Variants in GPC1 observed in about 807,000 individuals in gnomAD.
GPC1 encodes glypican 1, also known as glypican-1.
Under a neutral mutation model 51.5 loss-of-function variants are expected in GPC1, and 26 were observed. The ratio of observed to expected loss-of-function variants is 0.50; its 90% CI spans 0.37 to 0.70. The LOEUF is 0.70. GPC1 is among the 30% of genes least tolerant of loss of function. GPC1 has a pLI of 0.00. For synonymous variants in GPC1, 380 were observed against 348.3 expected, an observed-to-expected ratio of 1.09 and a Z score of -1.01; for missense variants, 775 against 800.5, an observed-to-expected ratio of 0.97 and a Z score of 0.38.
chr2:240,447,472 C>T (rs1166092063), intron 1 of GPC1, among the ~76,000 whole-genome samples: 1 of 152,214 alleles, frequency 6.6e-6, no homozygotes, highest in African/African-American at 2.4e-5. Flanking sequence ...CGTAGGTGTG[C>T]ACACACTGCC....
chr2:240,465,407 T>G (rs1242901544), intron 7 of GPC1, 66 bp from the exon 8 acceptor site: 1 of 1,500,838 alleles, frequency 6.7e-7, no homozygotes, highest in East Asian at 2.3e-5. Context: ...GAGAGTGTCC[T>G]GCTCAGGTGA....
In GPC1 at chr2:240,462,516, C is replaced by T. The variant is rs760566279; in HGVS notation, c.651C>T (p.Phe217=). The T allele has an allele frequency of 6.9e-6, 11 of 1,584,062 alleles. No homozygotes were observed. Among genetic ancestry groups the T allele is most frequent in the Middle Eastern group, 1.7e-4 (1 of 5,820 alleles). The part of the protein sequence containing the change: ...RELRLRATRA[F]VAARSFVQGL... ...TGCGCCTGCGGGCCACCCGTGCCTTCGTGGCTGCTCGCTCCTTTGTGCAGG... is the reference window on the plus strand; with the variant it reads ...TGCGCCTGCGGGCCACCCGTGCCTTTGTGGCTGCTCGCTCCTTTGTGCAGG... Residue 217 remains phenylalanine, a synonymous_variant, in exon 3 of 9, where the codon TTC becomes TTT. Transcript: ENST00000264039.
intron 1 of GPC1, chr2:240,456,556 C>G: frequency 2.1e-6 from 1 of 466,818 alleles, no homozygotes; most frequent in Non-Finnish European, 4.5e-6. Context: ...CTGCCACCCC[C>G]TCCCCCAGGC....
chr2:240,463,807 T>A (rs1035703848), intron 4 of GPC1: 17 of 469,270 alleles, frequency 3.6e-5, no homozygotes, highest in African/African-American at 3.1e-4. Flanking sequence ...CCAACACGTG[T>A]GACTCATCGA....
At position 240,435,845 on chromosome 2, in the gene GPC1, C is replaced by G. The variant is rs984880783; in HGVS notation, c.-74C>G. On this transcript the variant is annotated 5_prime_UTR_variant, in exon 1 of 9. Coordinates refer to ENST00000264039, the MANE Select transcript of GPC1 (RefSeq NM_002081.3). ...GGACCTTGGCTCTGCCCTTCGCGGG[C>G]GGGAACTGCGCAGGACCCGGCCAGG... The G allele has an allele frequency of 9.2e-6, 9 of 977,718 alleles. No individual in the cohort carries two copies. The African/African-American group carries it at 1.4e-4, about 15-fold the overall frequency. 60.6% of individuals were successfully genotyped at this position (977,718 alleles called of 1,614,324 possible). A position where few individuals can be genotyped will look rare whatever the true frequency, so the allele number is the denominator to read the frequency against.
At position 240,448,636 on chromosome 2, in the gene GPC1, T is replaced by C. The variant is rs1010146521; in HGVS notation, c.167-10394T>C. The stretch of plus-strand genomic sequence containing the variant: ...AGGAGGTCGAGGTCGGAGCTCACCT[T>C]TGGGGAGGCGATCAGGCAGGCACAT... On this transcript the variant is annotated intron_variant, in intron 1 of 8. Coordinates refer to ENST00000264039, the MANE Select transcript of GPC1 (RefSeq NM_002081.3). This position sits in a 1 kb window ranked among gnomAD's most constrained non-coding sequence, Gnocchi z 4.5. Among the ~76,000 whole-genome samples the C allele has an allele frequency of 4.6e-5, 7 of 151,572 alleles. No individual in the cohort carries two copies. The highest frequency in any genetic ancestry group is 1.7e-4 in the African/African-American group (7 of 41,174).
chr2:240,457,725 C>CCGG (rs2074180720), intron 1 of GPC1, among the ~76,000 whole-genome samples: 2 of 152,170 alleles, frequency 1.3e-5, no homozygotes, highest in Admixed American at 6.5e-5. Flanking sequence ...GGTCCCGGTC[C>CCGG]TGGCTCCCTC....
intron 1 of GPC1, chr2:240,450,843 G>A: frequency 2.2e-6 from 1 of 460,062 alleles, no homozygotes; most frequent in Non-Finnish European, 4.5e-6. Flanking sequence ...GAGCAAGAAA[G>A]TGGAGGCTCC....
rs1315581833 is a variant in GPC1 at position 240,466,261 on chromosome 2, C to T, written c.1648C>T (p.Leu550Phe). 5 of 1,606,832 alleles carry T rather than the reference C, an allele frequency of 3.1e-6. No individual in the cohort carries two copies. Among genetic ancestry groups the T allele is most frequent in the African/African-American group, 1.3e-5 (1 of 74,798 alleles). ...CCTGCCCCTCCTCCTCTTCCTGGCC[C>T]TTACAGTAGCCAGGCCCCGGTGGCG... ...FLLPLLLFLA[L>F]TVARPRWR is the part of the protein sequence containing the mutation. Residue 550 changes from leucine (L) to phenylalanine (F), a missense_variant, in exon 9 of 9, where the codon CTT (leucine) becomes TTT (phenylalanine). By Grantham distance (22) the Leu-to-Phe change is conservative. Transcript: ENST00000264039.
At position 240,435,745 on chromosome 2, in the gene GPC1, C is replaced by T. The variant is rs1052121390; in HGVS notation, c.-174C>T. The T allele has an allele frequency of 6.3e-5, 20 of 315,788 alleles. No homozygotes were observed. Among genetic ancestry groups the T allele is most frequent in the Non-Finnish European group, 1.0e-4 (19 of 184,062 alleles). The allele number at this position is 315,788 out of a possible 1,614,324, so 19.6% of individuals were successfully genotyped here. A position where few individuals can be genotyped will look rare whatever the true frequency, so the allele number is the denominator to read the frequency against. On this transcript the variant is annotated 5_prime_UTR_variant, in exon 1 of 9. Transcript: ENST00000264039. Reference sequence around the variant, plus strand: ...ACCTCGCACCCCGCGCGCCCCGCGCCGCCGCCGCCGCCGGCTTTTGTTGTC... The same window carrying T: ...ACCTCGCACCCCGCGCGCCCCGCGCTGCCGCCGCCGCCGGCTTTTGTTGTC...
chr2:240,438,110 G>A (rs1195725126), intron 1 of GPC1, among the ~76,000 whole-genome samples: 2 of 152,324 alleles, frequency 1.3e-5, no homozygotes, highest in East Asian at 1.9e-4. Context: ...CCCTGCAGCT[G>A]TCTAACCACG....
At chr2:240,452,445 G>C (rs937974528) in intron 1 of GPC1, 2 of 152,406 alleles carry the variant, frequency 1.3e-5, no homozygotes, top group Non-Finnish European at 2.9e-5. Context: ...GCCACCTTCA[G>C]CACAGAGAGA....
At chr2:240,441,803 G>C (rs2074019156) in intron 1 of GPC1, among the ~76,000 whole-genome samples, 1 of 152,208 alleles carries the variant, frequency 6.6e-6, no homozygotes, top group Non-Finnish European at 1.5e-5. Flanking sequence ...GAAGCGGGCG[G>C]TTCTCCCTCC....
At position 240,435,968 on chromosome 2, in the gene GPC1, T is replaced by G; in HGVS notation, c.50T>G (p.Leu17Arg). The G allele has an allele frequency of 7.4e-7, 1 of 1,342,702 alleles. No homozygotes were observed. The allele number at this position is 1,342,702 out of a possible 1,614,324, so 83.2% of individuals were successfully genotyped here. Residue 17 changes from leucine to arginine, a missense_variant, in exon 1 of 9, where the codon CTG (leucine) becomes CGG (arginine). Coordinates refer to ENST00000264039, the MANE Select transcript of GPC1 (RefSeq NM_002081.3). ...GWWLLCAAAA[L>R]VACARGDPAS... ...TGGCTGCTATGTGCGGCCGCAGCGC[T>G]GGTCGCCTGCGCCCGCGGGGACCCG...
At chr2:240,444,070 C>T (rs776550857) in intron 1 of GPC1, among the ~76,000 whole-genome samples, 6 of 152,218 alleles carry the variant, frequency 3.9e-5, no homozygotes, top group Non-Finnish European at 5.9e-5. Flanking sequence ...GCACCGGGAG[C>T]GCACAGGAGG....
At chr2:240,458,743 C>T (rs1484693736) in intron 1 of GPC1, 1 of 400,540 alleles carries the variant, frequency 2.5e-6, no homozygotes, top group Non-Finnish European at 4.5e-6. Flanking sequence ...CTTGCAGCTG[C>T]TGGGACAGCA....
chr2:240,435,850 A>T lies in GPC1; in HGVS notation c.-69A>T. The T allele has an allele frequency of 1.0e-6, 1 of 954,340 alleles. No individual in the cohort carries two copies. The highest frequency in any genetic ancestry group is 5.1e-5 in the South Asian group (1 of 19,738). 59.1% of individuals were successfully genotyped at this position (954,340 alleles called of 1,614,324 possible). On this transcript the variant is annotated 5_prime_UTR_variant, in exon 1 of 9. Coordinates refer to ENST00000264039, the MANE Select transcript of GPC1 (RefSeq NM_002081.3). ...TTGGCTCTGCCCTTCGCGGGCGGGA[A>T]CTGCGCAGGACCCGGCCAGGATCCG... is the stretch of plus-strand genomic sequence containing the variant.
Position 240,466,214 on chromosome 2 carries a change from GC to G in GPC1, c.1606del (p.Gln536SerfsTer17). 1 of 1,612,392 alleles carries G rather than the reference GC, an allele frequency of 6.2e-7. No individual in the cohort carries two copies. Among genetic ancestry groups the G allele is most frequent in the Non-Finnish European group, 8.5e-7 (1 of 1,178,962 alleles). On this transcript the variant is annotated frameshift_variant, in exon 9 of 9. Transcript: ENST00000264039. LOFTEE classifies it low-confidence loss of function (END_TRUNC). ...QEGQKTSAAS[C>X]PQPPTFLLPL... ...GGACAGAAGACCTCGGCTGCCAGCT[GC>G]CCCCAGCCCCCGACCTTCCTCCTGC...
intron 4 of GPC1, 111 bp from the exon 5 acceptor site, chr2:240,464,505 G>A (rs1401592372): frequency 1.8e-5 from 25 of 1,400,252 alleles, no homozygotes; most frequent in Middle Eastern, 1.8e-4. Flanking sequence ...ATGCTGACCC[G>A]TGCTGTCAAG....
Sources: gnomAD v4.1 joint callset for allele counts (sites outside exome capture counted in the v4.1 genomes callset) on GRCh38, gnomAD v4.1.1 for gene constraint, Gnocchi (gnomAD v3.1) non-coding constraint, MANE v1.5 for transcripts, NCBI Gene and HGNC (gene_info 2026-07-23, HGNC 2026-07-21) for gene names.